ANK2: variants seen among roughly 807,000 people sequenced by gnomAD.
The protein encoded by ANK2 is ankyrin-2.
ANK2 carries 83 observed loss-of-function variants against 360.5 expected under a neutral mutation model. The ratio of observed to expected loss-of-function variants is 0.23; its 90% confidence interval spans 0.19 to 0.28. The LOEUF (loss-of-function observed/expected upper bound fraction) is 0.28. Among genes scored for constraint, ANK2 ranks in the 10% least tolerant of loss-of-function variants. The pLI, the probability that ANK2 is intolerant of heterozygous loss-of-function variation, is 1.00. For synonymous variants in ANK2, 1,740 were observed against 1,759.5 expected (o/e 0.99, Z 0.28); for missense variants, 4,201 against 4,795.7 (o/e 0.88, Z 3.66).
intron 1 of ANK2, among the ~76,000 whole-genome samples, chr4:113,063,130 A>G (rs1033498265): frequency 2.0e-5 from 3 of 152,064 alleles, no homozygotes; most frequent in Admixed American, 2.0e-4. Context: ...ATATATATTC[A>G]TATCTCTGTG....
chr4:113,010,794 T>C (rs2054473088), intron 2 of ANK2, among the ~76,000 whole-genome samples: 1 of 152,152 alleles, frequency 6.6e-6, no homozygotes, highest in African/African-American at 2.4e-5. Context: ...CCACTAGATA[T>C]AAATGTCACA....
At chr4:113,151,964 G>A (rs916269353) in intron 1 of ANK2, among the ~76,000 whole-genome samples, 6 of 150,628 alleles carry the variant, frequency 4.0e-5, no homozygotes, top group African/African-American at 9.8e-5. Context: ...CTACTGGGGG[G>A]CTGAGGTGGG....
chr4:113,314,806 A>G (rs1228472253), intron 24 of ANK2, among the ~76,000 whole-genome samples: 1 of 152,208 alleles, frequency 6.6e-6, no homozygotes, highest in Admixed American at 6.5e-5. Flanking sequence ...AGATTATACG[A>G]CATCATTTTT....
the ANK2 span, among the ~76,000 whole-genome samples, chr4:112,810,155 ATATATTTTTTTTTTTT>A: frequency 5.1e-3 from 118 of 23,308 alleles, 1 homozygote; most frequent in African/African-American, 0.023. Context: ...ATATATATAT[ATATATTTTTTTTTTTT>A]TTTTTTTTTT....
At chr4:113,155,202 A>T (rs779079201) in intron 1 of ANK2, among the ~76,000 whole-genome samples, 23 of 152,202 alleles carry the variant, frequency 1.5e-4, no homozygotes, top group Non-Finnish European at 2.6e-4. Context: ...GAGTATTAAC[A>T]TATGCCTTTA....
Position 113,069,657 on chromosome 4 carries a change from A to C in ANK2, c.84+19845A>C, listed in dbSNP as rs1394586002. 2.0e-5 allele frequency among the ~76,000 whole-genome samples: 3 copies of C among 152,302 alleles called. No individual in the cohort carries two copies. In the East Asian group the frequency reaches 5.8e-4, roughly 29 times the overall value. On this transcript the variant is annotated intron_variant, in intron 1 of 45. Coordinates refer to ENST00000357077, the MANE Select transcript of ANK2 (RefSeq NM_001148.6). ...CTTTATTGCACCATCATTGATACTA[A>C]ACTTTTCCACAAAAGGGTAATGTTT...
At chr4:112,975,146 A>C (rs892463659) in intron 2 of ANK2, among the ~76,000 whole-genome samples, 2 of 152,176 alleles carry the variant, frequency 1.3e-5, no homozygotes, top group African/African-American at 4.8e-5. Context: ...CTATGTCGGC[A>C]CTTACCTGTC....
chr4:113,088,710 T>C (rs950036229), intron 1 of ANK2, among the ~76,000 whole-genome samples: 1 of 152,172 alleles, frequency 6.6e-6, no homozygotes, highest in African/African-American at 2.4e-5. Context: ...TATCTGTAGA[T>C]GGGCCTTTAT....
chr4:113,280,105 A>G (rs548717846), intron 17 of ANK2, among the ~76,000 whole-genome samples: 106 of 152,132 alleles, frequency 7.0e-4, no homozygotes, highest in Non-Finnish European at 1.1e-3. Context: ...CAGGCTGACC[A>G]TTCTCAACAT....
intron 1 of ANK2, among the ~76,000 whole-genome samples, chr4:113,130,700 A>T (rs896155658): frequency 1.3e-5 from 2 of 152,212 alleles, no homozygotes; most frequent in African/African-American, 4.8e-5. Context: ...CTTGCTCTGC[A>T]CCTAATAACC....
chr4:113,073,363 A>G (rs1016682180), intron 1 of ANK2, among the ~76,000 whole-genome samples: 1 of 152,114 alleles, frequency 6.6e-6, no homozygotes, highest in Non-Finnish European at 1.5e-5. Flanking sequence ...CTGATTCTTG[A>G]CTGGACACAT....
intron 43 of ANK2, chr4:113,372,650 G>T (rs183866545): frequency 2.1e-6 from 3 of 1,438,866 alleles, no homozygotes; most frequent in East Asian, 2.5e-5. Context: ...ATTACTGCAC[G>T]TCAGGGACAG....
rs1201235249 is a variant in ANK2 at position 112,957,685 on chromosome 4, G to GT, written c.21+53171_21+53172insT. Among the ~76,000 whole-genome samples the GT allele has an allele frequency of 2.2e-3, 337 of 150,052 alleles. 1 individual carries two copies. The highest frequency in any genetic ancestry group is 8.2e-3 in the African/African-American group (328 of 40,218). On this transcript the variant is annotated intron_variant, in intron 2 of 30. Coordinates refer to the ANK2 transcript ENST00000503271. ...CCTCCCGGACGGGGCGGCTGGCTGGGCGGGGGGCTGACCCCCCCACCTCCC... is the reference window on the plus strand; with the variant it reads ...CCTCCCGGACGGGGCGGCTGGCTGGGTCGGGGGGCTGACCCCCCCACCTCCC...
chr4:112,730,488 T>G, the ANK2 span, among the ~76,000 whole-genome samples: 14 of 148,868 alleles, frequency 9.4e-5, no homozygotes, highest in Non-Finnish European at 1.9e-4. Context: ...ATACAAAAAA[T>G]TAGCTGGGTA....
intron 4 of ANK2, among the ~76,000 whole-genome samples, chr4:113,226,749 T>C (rs910837512): frequency 6.6e-6 from 1 of 152,060 alleles, no homozygotes; most frequent in African/African-American, 2.4e-5. Flanking sequence ...GAATAACAAA[T>C]AATTCATAGT....
chr4:113,102,397 T>C (rs948673224), intron 1 of ANK2, among the ~76,000 whole-genome samples: 1 of 152,042 alleles, frequency 6.6e-6, no homozygotes, highest in African/African-American at 2.4e-5. Context: ...ATATGTCAGA[T>C]GGGCAGCTCA....
intron 2 of ANK2, among the ~76,000 whole-genome samples, chr4:112,956,302 A>T (rs1301006804): frequency 6.6e-6 from 1 of 152,186 alleles, no homozygotes; most frequent in South Asian, 2.1e-4. Context: ...TCACAATTCC[A>T]TGGATAGAAC....
At position 113,372,751 on chromosome 4, in the gene ANK2, C is replaced by G. The variant is rs535046147; in HGVS notation, c.11611-339C>G. On this transcript the variant is annotated intron_variant, in intron 43 of 45. Transcript: ENST00000357077. The stretch of plus-strand genomic sequence containing the variant: ...GTGCATGGCCATTCAAAAGCAGATC[C>G]CTTAACTCTCATAAGTTCTGTTTGC... The G allele has an allele frequency of 4.4e-6, 3 of 686,624 alleles. No homozygotes were observed. In the African/African-American group the frequency reaches 5.4e-5, roughly 12 times the overall value. The allele number at this position is 686,624 out of a possible 1,614,324, so 42.5% of individuals were successfully genotyped here.
chr4:112,730,636 C>CAAAAAAAAAAAAAAAAA, the ANK2 span, among the ~76,000 whole-genome samples: 5 of 57,936 alleles, frequency 8.6e-5, no homozygotes, highest in Non-Finnish European at 1.5e-4. Context: ...GACTCCATCT[C>CAAAAAAAAAAAAAAAAA]AAAAAAAAAA....
Sources: gnomAD v4.1 joint callset for allele counts (sites outside exome capture counted in the v4.1 genomes callset) on GRCh38, gnomAD v4.1.1 for gene constraint, MANE v1.5 for transcripts, NCBI Gene and HGNC (gene_info 2026-07-23, HGNC 2026-07-21) for gene names.